EFNA5: variants seen among roughly 807,000 people sequenced by gnomAD.
EFNA5 encodes the protein ephrin-A5.
Under a neutral mutation model 22.9 loss-of-function variants are expected in EFNA5, and 5 were observed. The observed-to-expected ratio is 0.22, with a 90% CI of 0.11 to 0.46. EFNA5 has a LOEUF of 0.46. Ranked by LOEUF, EFNA5 falls within the 20% of genes least tolerant of loss-of-function variation. The pLI is 0.99. For synonymous variants in EFNA5, 113 were observed against 112.2 expected (o/e 1.01, Z -0.04); for missense variants, 237 against 293.3 (o/e 0.81, Z 1.40).
intron 1 of EFNA5, among the ~76,000 whole-genome samples, chr5:107,484,069 C>G (rs1750552860): frequency 6.6e-6 from 1 of 152,180 alleles, no homozygotes; most frequent in South Asian, 2.1e-4. Flanking sequence ...TGTACTGTCC[C>G]ATGGTACCCA....
At chr5:107,583,068 T>C (rs572484055) in intron 1 of EFNA5, among the ~76,000 whole-genome samples, 19 of 152,288 alleles carry the variant, frequency 1.2e-4, no homozygotes, top group African/African-American at 4.3e-4. Context: ...CATTTATATA[T>C]ATGAACTAAT....
intron 1 of EFNA5, among the ~76,000 whole-genome samples, chr5:107,499,385 TA>T (rs1301071245): frequency 6.6e-6 from 1 of 152,218 alleles, no homozygotes; most frequent in African/African-American, 2.4e-5. Flanking sequence ...CAACTGTTGT[TA>T]ATCCACCTTA....
intron 1 of EFNA5, among the ~76,000 whole-genome samples, chr5:107,486,863 A>G (rs1226214777): frequency 1.3e-5 from 2 of 152,172 alleles, no homozygotes; most frequent in African/African-American, 4.8e-5. Flanking sequence ...GGAGCTAGAG[A>G]AAGTTACTAT....
chr5:107,388,836 T>G (rs1747710778), intron 2 of EFNA5, among the ~76,000 whole-genome samples: 1 of 152,220 alleles, frequency 6.6e-6, no homozygotes, highest in Non-Finnish European at 1.5e-5. Context: ...CAAAGAGGGA[T>G]CGGCATTTGG....
At chr5:107,572,725 G>A (rs1366548929) in intron 1 of EFNA5, among the ~76,000 whole-genome samples, 3 of 152,108 alleles carry the variant, frequency 2.0e-5, no homozygotes, top group Non-Finnish European at 4.4e-5. Context: ...CACTTCCATT[G>A]TTTTTTTACA....
intron 1 of EFNA5, among the ~76,000 whole-genome samples, chr5:107,591,731 G>T (rs992294146): frequency 1.4e-5 from 2 of 144,326 alleles, no homozygotes; most frequent in Non-Finnish European, 3.0e-5. Flanking sequence ...TGAGGCAGGA[G>T]AATTGCTTGA....
At chr5:107,650,271 T>G (rs1484975639) in intron 1 of EFNA5, among the ~76,000 whole-genome samples, 1 of 152,060 alleles carries the variant, frequency 6.6e-6, no homozygotes, top group Non-Finnish European at 1.5e-5. Context: ...AGCAGAGAGG[T>G]ACATAATGGA....
chr5:107,519,648 C>G (rs781321202), intron 1 of EFNA5, among the ~76,000 whole-genome samples: 1 of 152,046 alleles, frequency 6.6e-6, no homozygotes, highest in Admixed American at 6.6e-5. Context: ...GGGCATGGAG[C>G]GAAGCGATCC....
chr5:107,388,745 T>A (rs1273853390), intron 2 of EFNA5, among the ~76,000 whole-genome samples: 2 of 152,238 alleles, frequency 1.3e-5, no homozygotes, highest in Non-Finnish European at 2.9e-5. Flanking sequence ...TTGCTTCAAG[T>A]GGTTTCTTTG....
At chr5:107,447,102 G>A (rs985980576) in intron 1 of EFNA5, among the ~76,000 whole-genome samples, 2 of 152,172 alleles carry the variant, frequency 1.3e-5, no homozygotes, top group Non-Finnish European at 2.9e-5. Context: ...TAAGACCCCT[G>A]AGAGACTGGT....
chr5:107,477,345 A>G (rs1343593108), intron 1 of EFNA5, among the ~76,000 whole-genome samples: 1 of 152,226 alleles, frequency 6.6e-6, no homozygotes, highest in African/African-American at 2.4e-5. Flanking sequence ...AGCAATCAAT[A>G]GAATAATATC....
chr5:107,411,969 T>C (rs1024625792), intron 2 of EFNA5, among the ~76,000 whole-genome samples: 19 of 152,324 alleles, frequency 1.2e-4, no homozygotes, highest in African/African-American at 3.8e-4. Context: ...TGCAAATGGA[T>C]GGGGTATTAT....
intron 1 of EFNA5, among the ~76,000 whole-genome samples, chr5:107,573,469 GT>G (rs1450068045): frequency 6.6e-6 from 1 of 151,790 alleles, no homozygotes; most frequent in Non-Finnish European, 1.5e-5. Flanking sequence ...TAATTTTTAG[GT>G]TTTGTTTCTT....
intron 1 of EFNA5, among the ~76,000 whole-genome samples, chr5:107,455,423 C>T (rs1028039479): frequency 6.6e-6 from 1 of 152,118 alleles, no homozygotes; most frequent in African/African-American, 2.4e-5. Flanking sequence ...AAAAAATGCA[C>T]ATTAAACACC....
chr5:107,608,792 G>GC (rs1749769673), intron 1 of EFNA5, among the ~76,000 whole-genome samples: 1 of 152,178 alleles, frequency 6.6e-6, no homozygotes, highest in East Asian at 1.9e-4. Flanking sequence ...ATTAATGATG[G>GC]CCCCAAGCAG....
chr5:107,598,163 G>A (rs957710075), intron 1 of EFNA5, among the ~76,000 whole-genome samples: 2 of 152,068 alleles, frequency 1.3e-5, no homozygotes, highest in African/African-American at 2.4e-5. Flanking sequence ...TACAATGATA[G>A]GTGCTTCACA....
At chr5:107,421,126 G>C (rs1354779080) in intron 2 of EFNA5, among the ~76,000 whole-genome samples, 1 of 152,106 alleles carries the variant, frequency 6.6e-6, no homozygotes. Flanking sequence ...TAGGAACTTA[G>C]GTTACTTTGT....
At chr5:107,649,848 A>G (rs550109770) in intron 1 of EFNA5, among the ~76,000 whole-genome samples, 1 of 152,304 alleles carries the variant, frequency 6.6e-6, no homozygotes. Context: ...TCTATCAGAC[A>G]AATAGATTAG....
At position 107,659,672 on chromosome 5, in the gene EFNA5, A is replaced by C. The variant is rs573582723; in HGVS notation, c.125+10817T>G. On this transcript the variant is annotated intron_variant, in intron 1 of 4. Transcript: ENST00000333274. ...AACCAGATGTCAATGAAAAATCTAG[A>C]GCTAAGTAAAAAAAAAATAATTTGC... is the stretch of plus-strand genomic sequence containing the variant. 3.3e-5 allele frequency among the ~76,000 whole-genome samples: 5 copies of C among 151,704 alleles called. No homozygotes were observed. In the East Asian group the frequency reaches 9.7e-4, roughly 29 times the overall value.
Sources: gnomAD v4.1 joint callset for allele counts (sites outside exome capture counted in the v4.1 genomes callset) on GRCh38, gnomAD v4.1.1 for gene constraint, MANE v1.5 for transcripts, NCBI Gene and HGNC (gene_info 2026-07-23, HGNC 2026-07-21) for gene names.